The following DYRK1A variants were observed in gnomAD, a reference collection of about 807,000 sequenced individuals.
The protein encoded by DYRK1A is dual specificity tyrosine phosphorylation regulated kinase 1A.
DYRK1A carries 9 observed loss-of-function variants against 79.7 expected under a neutral mutation model. The ratio of observed to expected loss-of-function variants is 0.11; its 90% CI spans 0.07 to 0.20. The LOEUF (loss-of-function observed/expected upper bound fraction) is 0.20, where lower values mean the gene tolerates loss of function less well. Ranked by LOEUF, DYRK1A falls within the 10% of genes least tolerant of loss-of-function variation. The probability of loss-of-function intolerance (pLI) is 1.00; values close to 1 mark genes in which losing one functional copy is unlikely to be tolerated. For missense variants in DYRK1A, 622 were observed against 956.0 expected (o/e 0.65, Z 4.61); for synonymous variants, 349 against 329.7 (o/e 1.06, Z -0.63).
intron 5 of DYRK1A, among the ~76,000 whole-genome samples, chr21:37,483,999 C>T (rs2052755362): frequency 6.6e-6 from 1 of 152,184 alleles, no homozygotes; most frequent in Admixed American, 6.5e-5. Flanking sequence ...ATACCCTCTA[C>T]TGGTTCCCAA....
chr21:37,368,409 C>T (rs572521914), intron 1 of DYRK1A, among the ~76,000 whole-genome samples: 2 of 152,310 alleles, frequency 1.3e-5, no homozygotes, highest in East Asian at 1.9e-4. Context: ...TGGCGAAAGG[C>T]TCCTCCCTAA....
chr21:37,424,455 G>T (rs56289324), intron 2 of DYRK1A, among the ~76,000 whole-genome samples: 11,466 of 149,320 alleles, frequency 0.077, 642 homozygotes, highest in Non-Finnish European at 0.11. Flanking sequence ...CCTTCCAGTT[G>T]TTTTTCATGC....
At chr21:37,467,198 G>A (rs911678650) in intron 2 of DYRK1A, among the ~76,000 whole-genome samples, 14 of 151,686 alleles carry the variant, frequency 9.2e-5, no homozygotes, top group South Asian at 4.2e-4. Flanking sequence ...TACCACACAC[G>A]CATAAAATCA....
chr21:37,376,455 G>T (rs1030853586), intron 1 of DYRK1A, among the ~76,000 whole-genome samples: 1 of 152,158 alleles, frequency 6.6e-6, no homozygotes, highest in Admixed American at 6.5e-5. Flanking sequence ...GTTGCAGTGG[G>T]CTGAGATCGT....
At chr21:37,393,961 T>C (rs1308330804) in intron 1 of DYRK1A, among the ~76,000 whole-genome samples, 1 of 152,134 alleles carries the variant, frequency 6.6e-6, no homozygotes, top group Admixed American at 6.5e-5. Flanking sequence ...ACTGGCAGTG[T>C]CATCTCCACT....
intron 2 of DYRK1A, among the ~76,000 whole-genome samples, chr21:37,433,974 T>G (rs895197974): frequency 6.6e-6 from 1 of 152,212 alleles, no homozygotes. Flanking sequence ...TTTTTCTGAC[T>G]TTTAGAACCT....
rs2049516598 is a variant in DYRK1A, at chr21:37,375,386, G to A, written c.-77+7758G>A. ...ATTAGAAGGAACAAAGGTAGTTCTT[G>A]TCCTCAAATTACTACTTTCCTTTTA... On this transcript the variant is annotated intron_variant, in intron 1 of 11. Coordinates refer to ENST00000647188, the MANE Select transcript of DYRK1A (RefSeq NM_001347721.2). Among the ~76,000 whole-genome samples the A allele has an allele frequency of 2.0e-5, 3 of 152,104 alleles. No homozygotes were observed. The Middle Eastern group carries it at 0.01, about 517-fold the overall frequency.
chr21:37,430,715 A>T (rs1286991808), intron 2 of DYRK1A, among the ~76,000 whole-genome samples: 2 of 151,912 alleles, frequency 1.3e-5, no homozygotes, highest in East Asian at 3.9e-4. Context: ...AGCAGTTTGA[A>T]CTTGTGGTTT....
At chr21:37,366,713 G>A (rs1349742527), upstream of DYRK1A, among the ~76,000 whole-genome samples, 4 of 152,042 alleles carry the variant, frequency 2.6e-5, no homozygotes, top group African/African-American at 9.7e-5. Flanking sequence ...GCTGGGGGGC[G>A]GGAGGAGGAC....
At chr21:37,474,306 G>A (rs941672166) in intron 3 of DYRK1A, among the ~76,000 whole-genome samples, 7 of 152,106 alleles carry the variant, frequency 4.6e-5, no homozygotes, top group Non-Finnish European at 7.4e-5. Context: ...AACGTCTTAT[G>A]TGTATTTGGA....
intron 2 of DYRK1A, among the ~76,000 whole-genome samples, chr21:37,467,106 G>GAAAAAAAA (rs5843833): frequency 7.6e-6 from 1 of 130,754 alleles, no homozygotes; most frequent in African/African-American, 2.8e-5. Context: ...ATTTACAAAA[G>GAAAAAAAA]AAAAAAAAAA....
At chr21:37,409,248 T>G (rs2050201055) in intron 1 of DYRK1A, among the ~76,000 whole-genome samples, 2 of 152,214 alleles carry the variant, frequency 1.3e-5, no homozygotes, top group South Asian at 4.1e-4. Flanking sequence ...TATTGATCAC[T>G]TACTGTGCAC....
At chr21:37,388,646 T>C (rs970300722) in intron 1 of DYRK1A, among the ~76,000 whole-genome samples, 6 of 150,234 alleles carry the variant, frequency 4.0e-5, no homozygotes, top group African/African-American at 7.4e-5. Context: ...TTGAGTTCTT[T>C]TTTCTCCATT....
At chr21:37,454,725 G>C (rs1286537674) in intron 2 of DYRK1A, among the ~76,000 whole-genome samples, 1 of 152,174 alleles carries the variant, frequency 6.6e-6, no homozygotes, top group Non-Finnish European at 1.5e-5. Context: ...GTATTTTACA[G>C]GGATTCAGTA....
At chr21:37,372,963 TTAATA>T (rs1411984926) in intron 1 of DYRK1A, among the ~76,000 whole-genome samples, 1 of 152,184 alleles carries the variant, frequency 6.6e-6, no homozygotes, top group Non-Finnish European at 1.5e-5. Flanking sequence ...TAAATTTCAT[TTAATA>T]TAATTGTAAA....
chr21:37,435,664 T>G (rs952416379), intron 2 of DYRK1A, among the ~76,000 whole-genome samples: 20 of 152,240 alleles, frequency 1.3e-4, no homozygotes, highest in Admixed American at 6.5e-5. Flanking sequence ...GATCATTTTT[T>G]TCAGATCAGA....
At chr21:37,419,432 A>C (rs1017195656) in intron 1 of DYRK1A, 1 of 152,220 alleles carries the variant, frequency 6.6e-6, no homozygotes, top group South Asian at 2.1e-4. Flanking sequence ...TTTCTTCTGC[A>C]GCGGCCCCAG....
intron 1 of DYRK1A, among the ~76,000 whole-genome samples, chr21:37,403,659 ATATATGTGTGTGTGTGTG>A (rs1283388622): frequency 3.2e-5 from 4 of 125,354 alleles, no homozygotes; most frequent in African/African-American, 9.9e-5. Flanking sequence ...ATATATATAT[ATATATGTGTGTGTGTGTG>A]TGTGTGTGTG....
intron 1 of DYRK1A, among the ~76,000 whole-genome samples, chr21:37,373,979 G>A (rs1015268420): frequency 2.4e-4 from 36 of 152,208 alleles, no homozygotes; most frequent in African/African-American, 8.4e-4. Flanking sequence ...TTTAAACTAT[G>A]GTATGTGAAT....
Sources: gnomAD v4.1 joint callset for allele counts (sites outside exome capture counted in the v4.1 genomes callset) on GRCh38, gnomAD v4.1.1 for gene constraint, MANE v1.5 for transcripts, NCBI Gene and HGNC (gene_info 2026-07-23, HGNC 2026-07-21) for gene names.